Variants in AGBL4 observed in about 807,000 individuals in gnomAD.
AGBL4 encodes AGBL carboxypeptidase 4.
In AGBL4, 58 loss-of-function variants were observed where a neutral mutation model predicts 66.4. The ratio of observed to expected loss-of-function variants is 0.87; its 90% CI spans 0.71 to 1.09. The LOEUF is 1.09. Among genes scored for constraint, AGBL4 ranks in the 50% least tolerant of loss-of-function variants. The pLI, the probability that AGBL4 is intolerant of heterozygous loss-of-function variation, is 0.00. For synonymous variants in AGBL4, 234 were observed against 222.9 expected, an observed-to-expected ratio of 1.05 and a Z score of -0.44; for missense variants, 579 against 631.0, an observed-to-expected ratio of 0.92 and a Z score of 0.88.
At chr1:49,025,971 C>T (rs947649690) in intron 5 of AGBL4, among the ~76,000 whole-genome samples, 1 of 152,050 alleles carries the variant, frequency 6.6e-6, no homozygotes, top group African/African-American at 2.4e-5. Flanking sequence ...TGTAATATGT[C>T]ATCTATTTCA....
At chr1:48,688,345 C>T (rs75128343) in intron 6 of AGBL4, among the ~76,000 whole-genome samples, 3,560 of 152,292 alleles carry the variant, frequency 0.023, 129 homozygotes, top group African/African-American at 0.082. Flanking sequence ...GCTTCCAGGG[C>T]GCTCCTCCTT....
At chr1:48,867,508 A>G (rs1227882171) in intron 5 of AGBL4, among the ~76,000 whole-genome samples, 1 of 152,192 alleles carries the variant, frequency 6.6e-6, no homozygotes, top group Non-Finnish European at 1.5e-5. Context: ...GGCCCTGAGC[A>G]GAATGTGGCT....
chr1:49,601,683 A>G (rs889512207), intron 3 of AGBL4, among the ~76,000 whole-genome samples: 1 of 152,166 alleles, frequency 6.6e-6, no homozygotes, highest in Non-Finnish European at 1.5e-5. Context: ...CCTTCCCTAC[A>G]CCTTATGCAA....
intron 3 of AGBL4, among the ~76,000 whole-genome samples, chr1:49,615,623 C>A (rs187498703): frequency 6.6e-6 from 1 of 151,914 alleles, no homozygotes; most frequent in East Asian, 1.9e-4. Context: ...AGCACCAAAG[C>A]AAATATACTG....
chr1:49,839,365 A>G (rs1645931582), intron 2 of AGBL4, among the ~76,000 whole-genome samples: 1 of 152,182 alleles, frequency 6.6e-6, no homozygotes, highest in African/African-American at 2.4e-5. Flanking sequence ...TTCTAGACAT[A>G]GTGAAACTCT....
intron 1 of AGBL4, among the ~76,000 whole-genome samples, chr1:50,010,185 T>C (rs190245395): frequency 1.3e-4 from 20 of 151,982 alleles, no homozygotes; most frequent in Non-Finnish European, 2.6e-4. Flanking sequence ...TACATGCCTG[T>C]AGTCCCAGCT....
chr1:50,011,049 A>C (rs1020013276), intron 1 of AGBL4, among the ~76,000 whole-genome samples: 1 of 152,192 alleles, frequency 6.6e-6, no homozygotes, highest in African/African-American at 2.4e-5. Context: ...AAAGGGAGAA[A>C]ATATTTACAA....
intron 4 of AGBL4, among the ~76,000 whole-genome samples, chr1:49,236,940 C>T (rs1000566166): frequency 3.3e-5 from 5 of 151,904 alleles, no homozygotes; most frequent in Non-Finnish European, 7.4e-5. Flanking sequence ...CACTGTTATC[C>T]TGATAGGGAA....
intron 4 of AGBL4, among the ~76,000 whole-genome samples, chr1:49,221,658 T>C (rs993558697): frequency 6.6e-6 from 1 of 152,188 alleles, no homozygotes; most frequent in African/African-American, 2.4e-5. Context: ...GGAAAGTATC[T>C]TCACTATTTA....
At chr1:49,540,887 T>C (rs1203816925) in intron 3 of AGBL4, among the ~76,000 whole-genome samples, 1 of 152,210 alleles carries the variant, frequency 6.6e-6, no homozygotes, top group African/African-American at 2.4e-5. Flanking sequence ...TCTTCATTTT[T>C]CTTATTAGAG....
intron 5 of AGBL4, among the ~76,000 whole-genome samples, chr1:48,948,365 G>A (rs1656695574): frequency 1.3e-5 from 2 of 152,256 alleles, no homozygotes; most frequent in East Asian, 1.9e-4. Flanking sequence ...GAGTCCCAGC[G>A]ACAGCCTGCC....
chr1:49,354,421 T>G (rs1643976744), intron 3 of AGBL4, among the ~76,000 whole-genome samples: 1 of 152,246 alleles, frequency 6.6e-6, no homozygotes, highest in Non-Finnish European at 1.5e-5. Flanking sequence ...CTTAACTCAT[T>G]GCTCACTCTT....
chr1:48,644,759 G>A (rs760983995), intron 8 of AGBL4, among the ~76,000 whole-genome samples: 4 of 152,200 alleles, frequency 2.6e-5, no homozygotes, highest in Non-Finnish European at 4.4e-5. Context: ...CCATTGTGCA[G>A]GCGCTGAATA....
intron 3 of AGBL4, among the ~76,000 whole-genome samples, chr1:49,281,258 T>A (rs1347630213): frequency 1.3e-5 from 2 of 151,702 alleles, no homozygotes; most frequent in Non-Finnish European, 2.9e-5. Context: ...GCAAAAAGAG[T>A]ACGAAAAAAT....
intron 1 of AGBL4, among the ~76,000 whole-genome samples, chr1:49,929,212 C>A (rs1222804703): frequency 6.6e-6 from 1 of 151,990 alleles, no homozygotes; most frequent in African/African-American, 2.4e-5. Flanking sequence ...GGGTAACAGG[C>A]TCACTTCCTG....
At chr1:49,391,550 GTTTTTTTTTTTTGTTTT>G (rs1644846481) in intron 3 of AGBL4, among the ~76,000 whole-genome samples, 1 of 124,390 alleles carries the variant, frequency 8.0e-6, no homozygotes, top group South Asian at 2.8e-4. Context: ...ATAACCATGA[GTTTTTTTTTTTTGTTTT>G]TTTTTTTTTT....
At chr1:48,659,639 C>A (rs1389843714) in intron 7 of AGBL4, among the ~76,000 whole-genome samples, 2 of 152,148 alleles carry the variant, frequency 1.3e-5, no homozygotes, top group African/African-American at 4.8e-5. Context: ...GCAAAGTGAC[C>A]CTCCAGGTGA....
At chr1:49,271,800 C>A (rs1356272126) in intron 3 of AGBL4, among the ~76,000 whole-genome samples, 1 of 152,082 alleles carries the variant, frequency 6.6e-6, no homozygotes, top group East Asian at 1.9e-4. Flanking sequence ...AAAAAGGTAC[C>A]CCTTCACCCC....
intron 1 of AGBL4, among the ~76,000 whole-genome samples, chr1:49,896,266 C>A (rs1353747654): frequency 6.6e-6 from 1 of 151,928 alleles, no homozygotes; most frequent in Non-Finnish European, 1.5e-5. Context: ...GAGATATAGA[C>A]CCCAATAAAA....
Sources: gnomAD v4.1 joint callset for allele counts (sites outside exome capture counted in the v4.1 genomes callset) on GRCh38, gnomAD v4.1.1 for gene constraint, MANE v1.5 for transcripts, NCBI Gene and HGNC (gene_info 2026-07-23, HGNC 2026-07-21) for gene names.